MCTP1: variants seen among roughly 807,000 people sequenced by gnomAD.
The protein encoded by MCTP1 is multiple C2 and transmembrane domain containing 1.
In MCTP1, 69 loss-of-function variants were observed where a neutral mutation model predicts 120.6. That is an observed-to-expected ratio of 0.57 (90% confidence interval 0.47 to 0.70). The LOEUF (loss-of-function observed/expected upper bound fraction) is 0.70. Among genes scored for constraint, MCTP1 ranks in the 30% least tolerant of loss-of-function variants. The pLI is 0.00. For missense variants in MCTP1, 1,203 were observed against 1,248.8 expected (o/e 0.96, Z 0.55); for synonymous variants, 529 against 493.1 (o/e 1.07, Z -0.96).
At chr5:95,210,950 A>T (rs936511981) in intron 1 of MCTP1, among the ~76,000 whole-genome samples, 25 of 152,052 alleles carry the variant, frequency 1.6e-4, no homozygotes, top group African/African-American at 5.5e-4. Flanking sequence ...GTTTGGCTGG[A>T]TATGAAATTC....
intron 1 of MCTP1, among the ~76,000 whole-genome samples, chr5:95,224,246 C>T (rs950200231): frequency 6.6e-6 from 1 of 152,218 alleles, no homozygotes; most frequent in Non-Finnish European, 1.5e-5. Flanking sequence ...TATGCAGCAG[C>T]TTCTTATATA....
At chr5:94,916,395 C>T (rs773075208) in intron 8 of MCTP1, among the ~76,000 whole-genome samples, 2 of 152,110 alleles carry the variant, frequency 1.3e-5, no homozygotes, top group Non-Finnish European at 2.9e-5. Flanking sequence ...ACTTCAGGGC[C>T]CCAGGTGTAC....
chr5:95,268,274 T>G (rs1249021669), intron 1 of MCTP1, among the ~76,000 whole-genome samples: 1 of 152,218 alleles, frequency 6.6e-6, no homozygotes, highest in Non-Finnish European at 1.5e-5. Context: ...CATAAATATT[T>G]GAGGAAGGGA....
chr5:94,726,576 G>A (rs981714868), intron 19 of MCTP1, among the ~76,000 whole-genome samples: 13 of 38,236 alleles, frequency 3.4e-4, no homozygotes, highest in African/African-American at 1.7e-3. Context: ...TATGGGGCCC[G>A]CAAAGTTTTT....
chr5:94,920,788 AT>A (rs1811468488), intron 7 of MCTP1, among the ~76,000 whole-genome samples: 1 of 149,810 alleles, frequency 6.7e-6, no homozygotes, highest in Admixed American at 6.6e-5. Flanking sequence ...TAAATAAATA[AT>A]AAAAAGTCAA....
At chr5:95,090,734 C>G (rs1317848002) in intron 1 of MCTP1, among the ~76,000 whole-genome samples, 1 of 152,104 alleles carries the variant, frequency 6.6e-6, no homozygotes, top group Non-Finnish European at 1.5e-5. Context: ...AAAACCCAAC[C>G]TAGGATGACA....
At chr5:94,947,577 T>TATATAGAGAGAGAGAG in intron 3 of MCTP1, among the ~76,000 whole-genome samples, 56 of 47,392 alleles carry the variant, frequency 1.2e-3, no homozygotes, top group South Asian at 3.5e-3. Context: ...TATATATATA[T>TATATAGAGAGAGAGAG]AGAGAGAGAG....
chr5:95,201,686 GGA>G (rs1463682710), intron 1 of MCTP1, among the ~76,000 whole-genome samples: 1 of 151,356 alleles, frequency 6.6e-6, no homozygotes, highest in African/African-American at 2.4e-5. Flanking sequence ...TGTATTTTTA[GGA>G]GAGACAGGGT....
intron 1 of MCTP1, among the ~76,000 whole-genome samples, chr5:95,105,429 C>T (rs943062437): frequency 1.2e-4 from 19 of 152,118 alleles, no homozygotes; most frequent in African/African-American, 4.6e-4. Flanking sequence ...ACTCATTTAT[C>T]TATCTTCTCC....
At chr5:94,870,360 T>C (rs1581122796) in intron 16 of MCTP1, 57 bp downstream of exon 16, 4 of 1,150,286 alleles carry the variant, frequency 3.5e-6, no homozygotes, top group South Asian at 2.6e-5. Flanking sequence ...TTTACTTAGA[T>C]GTTTTACAGA....
chr5:94,957,650 A>T (rs933574786), intron 2 of MCTP1, among the ~76,000 whole-genome samples: 1 of 152,056 alleles, frequency 6.6e-6, no homozygotes, highest in Non-Finnish European at 1.5e-5. Flanking sequence ...TACACCAATG[A>T]AGATTAAAAA....
chr5:95,134,956 C>T lies in MCTP1; in HGVS notation c.721-117472G>A, dbSNP rs557541112. Among the ~76,000 whole-genome samples the T allele has an allele frequency of 2.4e-4, 28 of 118,736 alleles. No homozygotes were observed. In the South Asian group the frequency reaches 7.6e-3, roughly 32 times the overall value. 77.9% of individuals were successfully genotyped at this position (118,736 alleles called of 152,430 possible). A position where few individuals can be genotyped will look rare whatever the true frequency, so the allele number is the denominator to read the frequency against. On this transcript the variant is annotated intron_variant, in intron 1 of 22. Coordinates refer to ENST00000515393, the MANE Select transcript of MCTP1 (RefSeq NM_024717.7). ...TTAATACAACCTCTAAGTTCCATTG[C>T]TCTTCAAGGATCTCGATTTACTGTT...
At chr5:94,809,473 G>C (rs915788075) in intron 17 of MCTP1, among the ~76,000 whole-genome samples, 1 of 152,102 alleles carries the variant, frequency 6.6e-6, no homozygotes, top group Non-Finnish European at 1.5e-5. Context: ...TAGAATGAAA[G>C]TGACAAATGC....
chr5:94,832,378 C>T (rs1663700301), intron 17 of MCTP1, among the ~76,000 whole-genome samples: 1 of 152,158 alleles, frequency 6.6e-6, no homozygotes, highest in African/African-American at 2.4e-5. Context: ...AATCACCGCA[C>T]CTTCCCCAAG....
intron 10 of MCTP1, among the ~76,000 whole-genome samples, chr5:94,899,992 T>A (rs1805084800): frequency 6.6e-6 from 1 of 152,226 alleles, no homozygotes; most frequent in African/African-American, 2.4e-5. Flanking sequence ...TCTGTATGGA[T>A]GTCTACAACA....
At chr5:95,069,006 C>T (rs1751430629) in intron 1 of MCTP1, among the ~76,000 whole-genome samples, 1 of 146,352 alleles carries the variant, frequency 6.8e-6, no homozygotes, top group African/African-American at 2.5e-5. Flanking sequence ...AACAACAGAA[C>T]AGCCTGTGCT....
At chr5:95,197,648 T>C (rs1426070360) in intron 1 of MCTP1, among the ~76,000 whole-genome samples, 1 of 152,108 alleles carries the variant, frequency 6.6e-6, no homozygotes, top group African/African-American at 2.4e-5. Context: ...CCAAATCACA[T>C]ATATATACAC....
chr5:95,195,510 G>A (rs897526893), intron 1 of MCTP1, among the ~76,000 whole-genome samples: 16 of 152,112 alleles, frequency 1.1e-4, no homozygotes, highest in African/African-American at 2.2e-4. Context: ...TTGGCAGCCC[G>A]TATTTTTCAA....
intron 19 of MCTP1, among the ~76,000 whole-genome samples, chr5:94,753,897 G>A (rs1325365455): frequency 6.6e-6 from 1 of 152,150 alleles, no homozygotes; most frequent in Non-Finnish European, 1.5e-5. Context: ...TGGCCCCCAG[G>A]AGAAAAGCAG....
Sources: allele counts gnomAD v4.1 joint callset (sites outside exome capture counted in the v4.1 genomes callset), GRCh38; gene constraint gnomAD v4.1.1; transcripts MANE v1.5; gene names NCBI Gene and HGNC (gene_info 2026-07-23, HGNC 2026-07-21).